CST8: variants seen among roughly 807,000 people sequenced by gnomAD.
CST8 encodes cystatin 8.
In CST8, 20 loss-of-function variants were observed where a neutral mutation model predicts 11.8. The observed-to-expected ratio is 1.70, with a 90% CI of 1.20 to 2.47. The LOEUF (loss-of-function observed/expected upper bound fraction) is 2.47, where lower values mean the gene tolerates loss of function less well. CST8 is among the 30% of genes most tolerant of loss of function. The pLI, the probability that CST8 is intolerant of heterozygous loss-of-function variation, is 0.00. For missense variants in CST8, 196 were observed against 167.2 expected (o/e 1.17, Z -0.95); for synonymous variants, 77 against 63.1 (o/e 1.22, Z -1.05).
the CST8 span, among the ~76,000 whole-genome samples, chr20:23,506,667 C>T: frequency 4.4e-3 from 675 of 152,148 alleles, 6 homozygotes; most frequent in African/African-American, 0.015. Flanking sequence ...AGATAATTTA[C>T]AAATCCTACA....
the CST8 span, among the ~76,000 whole-genome samples, chr20:23,501,322 T>C: frequency 6.6e-6 from 1 of 152,162 alleles, no homozygotes; most frequent in Non-Finnish European, 1.5e-5. Flanking sequence ...TAGTCTAGGT[T>C]TATAACTTTC....
At chr20:23,498,429 G>A (rs1186591041), downstream of CST8, among the ~76,000 whole-genome samples, 1 of 152,162 alleles carries the variant, frequency 6.6e-6, no homozygotes, top group African/African-American at 2.4e-5. Context: ...TAGGTGGTAG[G>A]GATTTCAGTA....
the CST8 span, among the ~76,000 whole-genome samples, chr20:23,505,227 C>T: frequency 3.4e-5 from 5 of 148,654 alleles, no homozygotes; most frequent in Non-Finnish European, 7.4e-5. Flanking sequence ...TCACTGCAAC[C>T]TCCGCCTCCC....
the CST8 span, among the ~76,000 whole-genome samples, chr20:23,505,522 GA>G: frequency 0.62 from 93,148 of 150,126 alleles, 29,103 homozygotes; most frequent in African/African-American, 0.7. Flanking sequence ...AGTAGGAGAG[GA>G]AAAAAAAAAA....
intron 3 of CST8, among the ~76,000 whole-genome samples, chr20:23,493,512 T>A (rs1045819123): frequency 1.3e-5 from 2 of 152,224 alleles, no homozygotes; most frequent in African/African-American, 2.4e-5. Flanking sequence ...CTACGTGCTT[T>A]GCACCAGGTC....
the CST8 span, among the ~76,000 whole-genome samples, chr20:23,502,764 A>G: frequency 6.6e-6 from 1 of 152,218 alleles, no homozygotes; most frequent in African/African-American, 2.4e-5. Flanking sequence ...GAACTTCTCT[A>G]GGGGACTGCT....
the CST8 span, among the ~76,000 whole-genome samples, chr20:23,504,889 A>G: frequency 9.5e-4 from 145 of 152,216 alleles, 1 homozygote; most frequent in African/African-American, 3.2e-3. Flanking sequence ...GGTGCTCACC[A>G]TGGCTGCTCA....
chr20:23,500,020 G>A (rs1555800330), downstream of CST8, among the ~76,000 whole-genome samples: 1 of 151,564 alleles, frequency 6.6e-6, no homozygotes, highest in Non-Finnish European at 1.5e-5. Context: ...GAGAGAGAGA[G>A]AAACAGAGAG....
At chr20:23,502,537 C>G in the CST8 span, among the ~76,000 whole-genome samples, 1 of 152,204 alleles carries the variant, frequency 6.6e-6, no homozygotes, top group Non-Finnish European at 1.5e-5. Context: ...ATAAACCATC[C>G]TAGTCCCTGC....
At chr20:23,504,202 T>C in the CST8 span, among the ~76,000 whole-genome samples, 5 of 152,222 alleles carry the variant, frequency 3.3e-5, no homozygotes, top group African/African-American at 1.2e-4. Context: ...CCACCGGCTA[T>C]GTGAACTCTA....
the CST8 span, among the ~76,000 whole-genome samples, chr20:23,503,183 A>G: frequency 6.6e-6 from 1 of 152,250 alleles, no homozygotes; most frequent in African/African-American, 2.4e-5. Flanking sequence ...AATGCATGAG[A>G]GGGAAATCCA....
the CST8 span, among the ~76,000 whole-genome samples, chr20:23,501,733 C>A: frequency 5.9e-5 from 9 of 152,302 alleles, no homozygotes; most frequent in Admixed American, 2.6e-4. Flanking sequence ...GATGGCCACC[C>A]ATTACCAGAT....
At chr20:23,494,256 G>A (rs1180924847) in intron 3 of CST8, among the ~76,000 whole-genome samples, 1 of 152,174 alleles carries the variant, frequency 6.6e-6, no homozygotes, top group Non-Finnish European at 1.5e-5. Flanking sequence ...TTTAGGGATT[G>A]TAGAAAAGTT....
chr20:23,493,236 G>T (rs117526489), intron 3 of CST8, among the ~76,000 whole-genome samples, 165 bp downstream of exon 3: 2 of 152,158 alleles, frequency 1.3e-5, no homozygotes, highest in Non-Finnish European at 2.9e-5. Flanking sequence ...GCCACGGAAC[G>T]TGGTGGAACC....
chr20:23,491,700 C>T lies in CST8; in HGVS notation c.33C>T (p.Leu11=), dbSNP rs752503864. The T allele has an allele frequency of 6.2e-7, 1 of 1,614,032 alleles. No individual in the cohort carries two copies. The highest frequency in any genetic ancestry group is 1.7e-5 in the Admixed American group (1 of 60,018). Residue 11 remains leucine (L), a synonymous_variant, in exon 2 of 4, where the codon CTC becomes CTT. Coordinates refer to ENST00000246012, the MANE Select transcript of CST8 (RefSeq NM_005492.4). MPRCRWLSLI[L]LTIPLALVAR... is the part of the protein sequence containing the mutation. ...GGTGCCGGTGGCTCTCCCTGATCCTCCTCACCATTCCCCTGGCCCTGGTGG... is the reference window on the plus strand; with the variant it reads ...GGTGCCGGTGGCTCTCCCTGATCCTTCTCACCATTCCCCTGGCCCTGGTGG...
chr20:23,503,705 G>T, the CST8 span, among the ~76,000 whole-genome samples: 4 of 152,334 alleles, frequency 2.6e-5, no homozygotes, highest in South Asian at 8.3e-4. Context: ...TGAAGATGTG[G>T]CTCCCACCCA....
chr20:23,503,581 GA>G, the CST8 span, among the ~76,000 whole-genome samples: 2 of 152,064 alleles, frequency 1.3e-5, no homozygotes, highest in Admixed American at 6.5e-5. Context: ...ATAAAAATGA[GA>G]AAACCACAAA....
At chr20:23,497,219 C>A (rs1368416734), downstream of CST8, among the ~76,000 whole-genome samples, 1 of 152,206 alleles carries the variant, frequency 6.6e-6, no homozygotes, top group Non-Finnish European at 1.5e-5. Flanking sequence ...ATTTGGGGAA[C>A]TAATAAAAGT....
At chr20:23,494,413 T>C (rs1987980898) in intron 3 of CST8, among the ~76,000 whole-genome samples, 1 of 152,206 alleles carries the variant, frequency 6.6e-6, no homozygotes, top group South Asian at 2.1e-4. Flanking sequence ...ATAAAAACTT[T>C]CTCTTTTTCC....
Sources: gnomAD v4.1 joint callset for allele counts (sites outside exome capture counted in the v4.1 genomes callset) on GRCh38, gnomAD v4.1.1 for gene constraint, MANE v1.5 for transcripts, NCBI Gene and HGNC (gene_info 2026-07-23, HGNC 2026-07-21) for gene names.